LASP1: variants seen among roughly 807,000 people sequenced by gnomAD.
LASP1 encodes LIM and SH3 protein 1.
A neutral mutation model predicts 38.6 loss-of-function variants in LASP1; 10 were observed. That is an observed-to-expected ratio of 0.26 (90% CI 0.16 to 0.44). The LOEUF is 0.44. LASP1 is among the 20% of genes least tolerant of loss of function. The probability of loss-of-function intolerance (pLI) is 1.00; values close to 1 mark genes in which losing one functional copy is unlikely to be tolerated. For missense variants in LASP1, 243 were observed against 375.7 expected (o/e 0.65, Z 2.92); for synonymous variants, 132 against 140.8 (o/e 0.94, Z 0.44).
chr17:38,890,350 T>C, intron 2 of LASP1, 70 bp from the exon 3 acceptor site: 3 of 1,424,888 alleles, frequency 2.1e-6, no homozygotes, highest in Non-Finnish European at 3.0e-6. Context: ...GAGGGCATGC[T>C]CTGTGAGAAG....
chr17:38,885,311 G>T (rs1914086612), intron 2 of LASP1, among the ~76,000 whole-genome samples: 1 of 152,174 alleles, frequency 6.6e-6, no homozygotes, highest in African/African-American at 2.4e-5. Context: ...GCTGTGTGGT[G>T]GGTTTTGAGA....
chr17:38,917,222 C>G (rs1915157221), intron 6 of LASP1, among the ~76,000 whole-genome samples: 1 of 152,008 alleles, frequency 6.6e-6, no homozygotes, highest in Non-Finnish European at 1.5e-5. Flanking sequence ...GTGGCTCAGC[C>G]CAAGATAGAG....
intron 4 of LASP1, among the ~76,000 whole-genome samples, chr17:38,909,899 C>T (rs1244850068): frequency 3.3e-5 from 5 of 152,122 alleles, no homozygotes; most frequent in Non-Finnish European, 7.3e-5. Flanking sequence ...AGGTGCCCAC[C>T]ACCATGCCTG....
intron 2 of LASP1, among the ~76,000 whole-genome samples, chr17:38,885,926 C>T (rs554270883): frequency 2.6e-5 from 4 of 152,066 alleles, no homozygotes; most frequent in Admixed American, 2.0e-4. Flanking sequence ...TGTTCTCATG[C>T]CTTTGCTTCT....
Position 38,918,799 on chromosome 17 carries a change from T to A in LASP1, c.*21T>A. Reference sequence around the variant, plus strand: ...TCTGAACCCGCAGCGCCCCCATCTGTCTTCAGCACATTCCACGGCATCGCA... The same window carrying A: ...TCTGAACCCGCAGCGCCCCCATCTGACTTCAGCACATTCCACGGCATCGCA... On this transcript the variant is annotated 3_prime_UTR_variant, in exon 7 of 7. Transcript: ENST00000318008. The surrounding 1 kb of genome is among the most constrained non-coding windows in gnomAD (Gnocchi z 4.4). The A allele has an allele frequency of 6.2e-7, 1 of 1,611,946 alleles. No individual in the cohort carries two copies. The highest frequency in any genetic ancestry group is 8.5e-7 in the Non-Finnish European group (1 of 1,179,294).
In LASP1 at chr17:38,914,421, T is replaced by A. The variant is rs1915049037; in HGVS notation, c.454T>A (p.Tyr152Asn). 6 of 1,611,568 alleles carry A rather than the reference T, an allele frequency of 3.7e-6. No homozygotes were observed. Among genetic ancestry groups the A allele is most frequent in the Non-Finnish European group, 4.2e-6 (5 of 1,179,870 alleles). Residue 152 changes from tyrosine to asparagine, a missense_variant, in exon 5 of 7, where the codon TAC becomes AAC. Around this residue, in one of 4 missense-constraint regions of LASP1, gnomAD observed 165 missense variants for 210.3 expected, o/e 0.78. Transcript: ENST00000318008. ...TCGGGATTCACAGGACGGCAGCAGC[T>A]ACCGGCGGCCCCTGGAGCAGCAGCA... ...ERRDSQDGSSYRRPLEQQQPH... is the reference protein window; with the variant it reads ...ERRDSQDGSSNRRPLEQQQPH...
chr17:38,912,592 G>A (rs977267185), intron 4 of LASP1, among the ~76,000 whole-genome samples: 2 of 152,172 alleles, frequency 1.3e-5, no homozygotes, highest in African/African-American at 4.8e-5. Context: ...GCCTGTCTTT[G>A]GGAGTCTGGC....
chr17:38,886,311 G>A (rs1244692171), intron 2 of LASP1, among the ~76,000 whole-genome samples: 1 of 152,110 alleles, frequency 6.6e-6, no homozygotes, highest in African/African-American at 2.4e-5. Flanking sequence ...GGGACTGTGG[G>A]CTGTGGGGAG....
At chr17:38,910,741 T>A (rs1914914697) in intron 4 of LASP1, among the ~76,000 whole-genome samples, 1 of 151,116 alleles carries the variant, frequency 6.6e-6, no homozygotes, top group Admixed American at 6.6e-5. Context: ...CACTTTTTTT[T>A]AAACAGAGTC....
intron 4 of LASP1, among the ~76,000 whole-genome samples, chr17:38,910,833 G>A (rs995193566): frequency 5.3e-5 from 8 of 150,850 alleles, no homozygotes; most frequent in African/African-American, 1.2e-4. Context: ...AGCAATTCTC[G>A]TGCCTCAGCC....
Position 38,915,123 on chromosome 17 carries a change from C to T in LASP1, c.589C>T (p.Arg197Cys), listed in dbSNP as rs150234754. ...GCCTGCAGCCCCAGTCTCCATACAG[C>T]GCAGCGCCCCAGGTGGTGGCGGGGT... ...KEPAAPVSIQ[R>C]SAPGGGGKRY... The change falls in exon 6 of 7, where the codon CGC (arginine) becomes TGC (cysteine). Residue 197 changes from arginine to cysteine, a missense_variant. Around this residue, in one of 4 missense-constraint regions of LASP1, gnomAD observed 165 missense variants for 210.3 expected, o/e 0.78. Transcript: ENST00000318008. The T allele has an allele frequency of 1.5e-5, 25 of 1,613,788 alleles. No individual in the cohort carries two copies. Among genetic ancestry groups the T allele is most frequent in the African/African-American group, 1.5e-4 (11 of 74,988 alleles).
Position 38,921,643 on chromosome 17 carries a change from C to T in LASP1, c.*2865C>T, listed in dbSNP as rs1915303958. On this transcript the variant is annotated 3_prime_UTR_variant, in exon 7 of 7. Transcript: ENST00000318008. ...TGTCTCATTTTGGTCTGTTTTGGTC[C>T]CCTCCCTCGTGGGCTTGTGCTCGGG... The T allele has an allele frequency of 4.3e-6, 1 of 232,488 alleles. No homozygotes were observed. Among genetic ancestry groups the T allele is most frequent in the African/African-American group, 2.2e-5 (1 of 45,232 alleles). The allele number at this position is 232,488 out of a possible 1,614,324, so 14.4% of individuals were successfully genotyped here.
chr17:38,895,852 C>T (rs1914473196), intron 3 of LASP1, among the ~76,000 whole-genome samples: 1 of 152,322 alleles, frequency 6.6e-6, no homozygotes, highest in African/African-American at 2.4e-5. Context: ...GTTTGGGTGT[C>T]AGGAGCCTCA....
intron 3 of LASP1, among the ~76,000 whole-genome samples, chr17:38,891,547 C>CT (rs1232672689): frequency 6.6e-6 from 1 of 152,150 alleles, no homozygotes; most frequent in Non-Finnish European, 1.5e-5. Flanking sequence ...GAGGGACTAG[C>CT]TGAGGTCCTG....
intron 3 of LASP1, among the ~76,000 whole-genome samples, chr17:38,892,154 C>G (rs1032955610): frequency 3.3e-5 from 5 of 152,208 alleles, no homozygotes; most frequent in African/African-American, 1.2e-4. Flanking sequence ...CCCTGTTTAT[C>G]CTTGACTGGG....
chr17:38,885,526 G>T (rs904199206), intron 2 of LASP1, among the ~76,000 whole-genome samples: 1 of 152,156 alleles, frequency 6.6e-6, no homozygotes, highest in African/African-American at 2.4e-5. Flanking sequence ...AAGGGTGGGT[G>T]GGGCACCTGC....
chr17:38,919,551 C>G lies in LASP1; in HGVS notation c.*773C>G, dbSNP rs1481172606. On this transcript the variant is annotated 3_prime_UTR_variant, in exon 7 of 7. Coordinates refer to ENST00000318008, the MANE Select transcript of LASP1 (RefSeq NM_006148.4). The stretch of plus-strand genomic sequence containing the variant: ...GAACAAGGAGTTCTCTTCCGCAGCC[C>G]CTTTCCCCACGCCCACCCCCAGTCT... 4 of 246,696 alleles carry G rather than the reference C, an allele frequency of 1.6e-5. No individual in the cohort carries two copies. The highest frequency in any genetic ancestry group is 3.2e-5 in the Non-Finnish European group (4 of 125,042). 15.3% of individuals were successfully genotyped at this position (246,696 alleles called of 1,614,324 possible).
chr17:38,885,118 A>G (rs1914078937), intron 2 of LASP1, among the ~76,000 whole-genome samples: 1 of 152,046 alleles, frequency 6.6e-6, no homozygotes. Context: ...TTTGCACCCA[A>G]CCTGCCAAGC....
At chr17:38,879,809 TACTA>T (rs1304775715) in intron 2 of LASP1, among the ~76,000 whole-genome samples, 7 of 152,046 alleles carry the variant, frequency 4.6e-5, no homozygotes, top group Non-Finnish European at 7.4e-5. Flanking sequence ...CTATAATACA[TACTA>T]ACCTGCACCA....
Sources: gnomAD v4.1 joint callset for allele counts (sites outside exome capture counted in the v4.1 genomes callset) on GRCh38, gnomAD v4.1.1 for gene constraint, gnomAD v4.1.1 regional missense constraint, Gnocchi (gnomAD v3.1) non-coding constraint, MANE v1.5 for transcripts, NCBI Gene and HGNC (gene_info 2026-07-23, HGNC 2026-07-21) for gene names.